PLCXD2: variants seen among roughly 807,000 people sequenced by gnomAD.
PLCXD2 encodes PI-PLC X domain-containing protein 2.
In PLCXD2, 21 loss-of-function variants were observed where a neutral mutation model predicts 28.6. That is an observed-to-expected ratio of 0.73 (90% CI 0.52 to 1.06). The LOEUF is 1.06. PLCXD2 is among the 50% of genes least tolerant of loss of function. The pLI is 0.00. For missense variants in PLCXD2, 369 were observed against 376.7 expected, an observed-to-expected ratio of 0.98 and a Z score of 0.17; for synonymous variants, 140 against 150.1, an observed-to-expected ratio of 0.93 and a Z score of 0.49.
intron 1 of PLCXD2, chr3:111,677,163 C>T (rs928915261): frequency 1.3e-5 from 2 of 152,184 alleles, no homozygotes; most frequent in African/African-American, 4.8e-5. Flanking sequence ...AAAAAAATGG[C>T]TTTGACTCCT....
chr3:111,685,619 C>G (rs972887898), intron 1 of PLCXD2, among the ~76,000 whole-genome samples: 4 of 152,132 alleles, frequency 2.6e-5, no homozygotes, highest in Non-Finnish European at 5.9e-5. Flanking sequence ...TATTATTGTT[C>G]TTTCTTGTGT....
At chr3:111,684,772 A>C (rs538139364) in intron 1 of PLCXD2, among the ~76,000 whole-genome samples, 96 of 152,130 alleles carry the variant, frequency 6.3e-4, no homozygotes, top group Non-Finnish European at 1.2e-3. Flanking sequence ...TGCAGCACAA[A>C]GTATATGGGA....
At chr3:111,725,983 C>A in intron 3 of PLCXD2, 1 of 397,704 alleles carries the variant, frequency 2.5e-6, no homozygotes, top group South Asian at 1.4e-4. Flanking sequence ...ACACTCTTAT[C>A]ACAGTGGTTA....
At chr3:111,676,294 C>T (rs982224957) in intron 1 of PLCXD2, among the ~76,000 whole-genome samples, 2 of 152,168 alleles carry the variant, frequency 1.3e-5, no homozygotes, top group Admixed American at 1.3e-4. Context: ...TTATTTCACT[C>T]GGAGACATAA....
At chr3:111,722,182 G>GATTGACTTT (rs148008020) in intron 3 of PLCXD2, 34 of 122,034 alleles carry the variant, frequency 2.8e-4, no homozygotes, top group Non-Finnish European at 1.3e-4. Context: ...CTTGTGTTTT[G>GATTGACTTT]ATTTATTTAT....
In PLCXD2 at chr3:111,675,267, A is replaced by T; in HGVS notation, c.22A>T (p.Arg8Trp). ...AGGGATGCTAGCAGTTAGGAAGGCC[A>T]GGAGGAAACTCAGGATGGGGACCAT... The change falls in exon 1 of 5, where the codon AGG becomes TGG. Residue 8 changes from arginine (R) to tryptophan (W), a missense_variant. Transcript: ENST00000477665. 1 of 1,614,138 alleles carries T rather than the reference A, an allele frequency of 6.2e-7. No individual in the cohort carries two copies. The highest frequency in any genetic ancestry group is 8.5e-7 in the Non-Finnish European group (1 of 1,179,990).
intron 1 of PLCXD2, among the ~76,000 whole-genome samples, chr3:111,687,851 A>AT (rs1038475153): frequency 1.1e-4 from 17 of 151,422 alleles, no homozygotes; most frequent in Admixed American, 7.9e-4. Flanking sequence ...CACCTGGCTA[A>AT]TTTTTTTTTA....
chr3:111,690,939 A>G (rs939021325), intron 1 of PLCXD2, among the ~76,000 whole-genome samples: 12 of 152,212 alleles, frequency 7.9e-5, no homozygotes, highest in African/African-American at 2.9e-4. Flanking sequence ...TAATGAAACA[A>G]CAGCCTTTAA....
intron 3 of PLCXD2, among the ~76,000 whole-genome samples, chr3:111,719,852 C>G (rs1941322080): frequency 6.6e-6 from 1 of 152,104 alleles, no homozygotes; most frequent in South Asian, 2.1e-4. Context: ...CAAAACTCGG[C>G]AAGTGTACCA....
At chr3:111,703,223 G>A (rs1198280192) in intron 1 of PLCXD2, among the ~76,000 whole-genome samples, 21 of 152,178 alleles carry the variant, frequency 1.4e-4, no homozygotes, top group Non-Finnish European at 1.5e-5. Flanking sequence ...AGGGATGCAG[G>A]GATGGTGCTG....
rs115306707 is a variant in PLCXD2, at chr3:111,715,597, G to A, written c.866+1469G>A. ...GTATACCATATTCTGAATATCAAATGGCTTTTTGCAGATGATTTCATTTGA... is the reference window on the plus strand; with the variant it reads ...GTATACCATATTCTGAATATCAAATAGCTTTTTGCAGATGATTTCATTTGA... On this transcript the variant is annotated intron_variant, in intron 3 of 4. Coordinates refer to ENST00000477665, the MANE Select transcript of PLCXD2 (RefSeq NM_001185106.1). 5.6e-3 allele frequency among the ~76,000 whole-genome samples: 856 copies of A among 152,294 alleles called. 6 individuals carry two copies. The highest frequency in any genetic ancestry group is 0.019 in the African/African-American group (802 of 41,548).
intron 1 of PLCXD2, among the ~76,000 whole-genome samples, chr3:111,707,611 T>C (rs1194907104): frequency 1.3e-5 from 2 of 152,198 alleles, no homozygotes; most frequent in Non-Finnish European, 2.9e-5. Context: ...CTGGAGCAAA[T>C]TGTATGAATA....
chr3:111,700,132 G>A (rs1280792302), intron 1 of PLCXD2, among the ~76,000 whole-genome samples: 1 of 152,160 alleles, frequency 6.6e-6, no homozygotes, highest in Non-Finnish European at 1.5e-5. Flanking sequence ...GTGAGCTCAT[G>A]GGCACTGGTG....
chr3:111,707,830 T>C, intron 1 of PLCXD2, 96 bp from the exon 2 acceptor site: 4 of 1,135,692 alleles, frequency 3.5e-6, no homozygotes, highest in Non-Finnish European at 4.9e-6. Context: ...TGTTATTTGG[T>C]GCTTAATTTT....
chr3:111,713,321 C>A (rs900874297), intron 2 of PLCXD2, among the ~76,000 whole-genome samples: 1 of 152,166 alleles, frequency 6.6e-6, no homozygotes, highest in Non-Finnish European at 1.5e-5. Context: ...TTAGTATACC[C>A]ATAGATTATG....
At chr3:111,717,372 G>C (rs555482479) in intron 3 of PLCXD2, among the ~76,000 whole-genome samples, 1 of 152,124 alleles carries the variant, frequency 6.6e-6, no homozygotes, top group African/African-American at 2.4e-5. Context: ...GCCATCCATG[G>C]GAACTGTTGC....
intron 1 of PLCXD2, among the ~76,000 whole-genome samples, chr3:111,694,279 T>G (rs528114481): frequency 3.8e-4 from 58 of 152,290 alleles, no homozygotes; most frequent in African/African-American, 1.3e-3. Flanking sequence ...ACCCACTGCT[T>G]AATACTGCTT....
At chr3:111,686,559 GGAC>G in intron 1 of PLCXD2, among the ~76,000 whole-genome samples, 1 of 152,192 alleles carries the variant, frequency 6.6e-6, no homozygotes, top group South Asian at 2.1e-4. Flanking sequence ...TTGGTTCAAG[GGAC>G]TACTAAGTGG....
intron 1 of PLCXD2, among the ~76,000 whole-genome samples, chr3:111,701,468 G>A (rs148701721): frequency 1.3e-5 from 2 of 152,286 alleles, no homozygotes; most frequent in Admixed American, 1.3e-4. Flanking sequence ...GCTATAAGTA[G>A]GGGCCTGGTA....
Sources: gnomAD v4.1 joint callset for allele counts (sites outside exome capture counted in the v4.1 genomes callset) on GRCh38, gnomAD v4.1.1 for gene constraint, MANE v1.5 for transcripts, NCBI Gene and HGNC (gene_info 2026-07-23, HGNC 2026-07-21) for gene names.